The following DIS3L2 variants were observed in gnomAD, a reference collection of about 807,000 sequenced individuals.
The protein encoded by DIS3L2 is DIS3-like exonuclease 2.
In DIS3L2, 34 loss-of-function variants were observed where a neutral mutation model predicts 97.5. That is an observed-to-expected ratio of 0.35 (90% CI 0.27 to 0.46). DIS3L2 has a LOEUF of 0.46. DIS3L2 is among the 20% of genes least tolerant of loss of function. The pLI, the probability that DIS3L2 is intolerant of heterozygous loss-of-function variation, is 1.00. For synonymous variants in DIS3L2, 435 were observed against 445.2 expected, an observed-to-expected ratio of 0.98 and a Z score of 0.29; for missense variants, 1,038 against 1,146.0, an observed-to-expected ratio of 0.91 and a Z score of 1.36.
intron 5 of DIS3L2, among the ~76,000 whole-genome samples, chr2:232,039,156 G>C (rs1208614193): frequency 6.6e-6 from 1 of 152,166 alleles, no homozygotes; most frequent in Non-Finnish European, 1.5e-5. Flanking sequence ...TCATTAGTTA[G>C]AATATTTCAC....
At chr2:232,277,209 T>C (rs891367587) in intron 13 of DIS3L2, among the ~76,000 whole-genome samples, 10 of 152,208 alleles carry the variant, frequency 6.6e-5, no homozygotes, top group African/African-American at 2.4e-4. Flanking sequence ...CTGAGTTCCT[T>C]AATGGGGTAA....
At chr2:232,121,462 C>T (rs542821285) in intron 6 of DIS3L2, among the ~76,000 whole-genome samples, 1 of 152,296 alleles carries the variant, frequency 6.6e-6, no homozygotes, top group East Asian at 1.9e-4. Context: ...TGTCTGTACA[C>T]AGGTGACTCC....
At chr2:232,244,765 G>T (rs1217991447) in intron 11 of DIS3L2, among the ~76,000 whole-genome samples, 1 of 152,178 alleles carries the variant, frequency 6.6e-6, no homozygotes, top group Non-Finnish European at 1.5e-5. Context: ...AGGCAGTCAG[G>T]TAAGAGGTCT....
chr2:232,086,643 A>ATATATATATACACATATATATG (rs1484154092), intron 5 of DIS3L2, among the ~76,000 whole-genome samples: 1 of 81,928 alleles, frequency 1.2e-5, no homozygotes, highest in Admixed American at 1.6e-4. Context: ...ATATATATAT[A>ATATATATATACACATATATATG]TGTATATATA....
intron 10 of DIS3L2, among the ~76,000 whole-genome samples, chr2:232,229,704 A>G (rs1431248953): frequency 6.6e-6 from 1 of 152,210 alleles, no homozygotes; most frequent in Non-Finnish European, 1.5e-5. Context: ...ATTACATTGA[A>G]CATGACAAAA....
intron 1 of DIS3L2, among the ~76,000 whole-genome samples, chr2:231,977,071 A>G (rs1222000123): frequency 6.6e-6 from 1 of 152,176 alleles, no homozygotes; most frequent in Non-Finnish European, 1.5e-5. Flanking sequence ...GGCCACACAA[A>G]GTCTTTTTTA....
intron 5 of DIS3L2, among the ~76,000 whole-genome samples, chr2:232,073,813 C>T (rs1397700837): frequency 6.6e-6 from 1 of 152,182 alleles, no homozygotes; most frequent in Non-Finnish European, 1.5e-5. Flanking sequence ...GCACATCAAA[C>T]AGTTTTGAAG....
intron 8 of DIS3L2, among the ~76,000 whole-genome samples, chr2:232,140,479 A>G (rs1300065061): frequency 6.6e-6 from 1 of 152,200 alleles, no homozygotes; most frequent in Non-Finnish European, 1.5e-5. Flanking sequence ...GAAAACACAC[A>G]AGGAGTAATT....
intron 6 of DIS3L2, chr2:232,111,170 A>T: frequency 2.1e-6 from 1 of 467,596 alleles, no homozygotes; most frequent in African/African-American, 2.0e-5. Flanking sequence ...GAAACAACTG[A>T]TATAGTTCAT....
intron 9 of DIS3L2, among the ~76,000 whole-genome samples, chr2:232,205,839 A>G (rs1692013864): frequency 6.6e-6 from 1 of 152,224 alleles, no homozygotes; most frequent in Admixed American, 6.5e-5. Context: ...GGAAGCCATC[A>G]AGGATAAAAT....
intron 1 of DIS3L2, among the ~76,000 whole-genome samples, chr2:232,006,578 C>T (rs948547093): frequency 5.3e-5 from 8 of 152,034 alleles, no homozygotes; most frequent in Middle Eastern, 3.4e-3. Context: ...AAGTGCTTGC[C>T]GGTATTATTC....
chr2:232,209,265 G>T (rs1692119989), intron 9 of DIS3L2, among the ~76,000 whole-genome samples: 2 of 152,088 alleles, frequency 1.3e-5, no homozygotes. Flanking sequence ...GAGCAGCTTG[G>T]CAGCCTCTGA....
intron 7 of DIS3L2, among the ~76,000 whole-genome samples, chr2:232,132,778 G>A (rs1010147828): frequency 1.3e-5 from 2 of 152,088 alleles, no homozygotes; most frequent in African/African-American, 2.4e-5. Flanking sequence ...AGAGACATCA[G>A]GTATCTGAGT....
chr2:232,056,435 G>A (rs1695552729), intron 5 of DIS3L2, among the ~76,000 whole-genome samples: 1 of 151,992 alleles, frequency 6.6e-6, no homozygotes, highest in Non-Finnish European at 1.5e-5. Context: ...AAAATTAATA[G>A]ATTGGAGTAC....
At chr2:232,315,675 TGAA>T (rs773983659) in intron 14 of DIS3L2, among the ~76,000 whole-genome samples, 27 of 152,318 alleles carry the variant, frequency 1.8e-4, no homozygotes, top group Non-Finnish European at 1.5e-4. Flanking sequence ...CTTCACGTAT[TGAA>T]GAAGAACATG....
chr2:232,282,217 G>T (rs1694311195), intron 13 of DIS3L2, among the ~76,000 whole-genome samples: 1 of 151,734 alleles, frequency 6.6e-6, no homozygotes, highest in East Asian at 1.9e-4. Context: ...TGATAGATGA[G>T]GGCGTATTCT....
intron 6 of DIS3L2, among the ~76,000 whole-genome samples, chr2:232,110,590 A>C (rs1482947807): frequency 6.6e-6 from 1 of 152,204 alleles, no homozygotes; most frequent in Admixed American, 6.5e-5. Flanking sequence ...TAGCAAACTA[A>C]TGCAGGAACA....
chr2:231,999,966 C>G (rs761511701), intron 1 of DIS3L2, among the ~76,000 whole-genome samples: 4 of 152,002 alleles, frequency 2.6e-5, no homozygotes, highest in Non-Finnish European at 5.9e-5. Context: ...TTAAAATACA[C>G]TCTCTTAGCA....
At chr2:232,251,704 C>T (rs1000270828) in intron 12 of DIS3L2, among the ~76,000 whole-genome samples, 7 of 152,274 alleles carry the variant, frequency 4.6e-5, no homozygotes, top group East Asian at 1.9e-4. Flanking sequence ...ACGATAAAAT[C>T]GGAAATCAGA....
Sources: allele counts gnomAD v4.1 joint callset (sites outside exome capture counted in the v4.1 genomes callset), GRCh38; gene constraint gnomAD v4.1.1; transcripts MANE v1.5; gene names NCBI Gene and HGNC (gene_info 2026-07-23, HGNC 2026-07-21).